The following MELK variants were observed in gnomAD, a reference collection of about 807,000 sequenced individuals.
MELK encodes pEg3 kinase.
Under a neutral mutation model 85.0 loss-of-function variants are expected in MELK, and 81 were observed. The observed-to-expected ratio is 0.95, with a 90% CI of 0.80 to 1.15. The LOEUF (loss-of-function observed/expected upper bound fraction) is 1.15. MELK is among the 50% of genes most tolerant of loss of function. MELK has a pLI of 0.00. For missense variants in MELK, 754 were observed against 777.5 expected (o/e 0.97, Z 0.36); for synonymous variants, 252 against 265.0 (o/e 0.95, Z 0.48).
intron 8 of MELK, among the ~76,000 whole-genome samples, chr9:36,623,792 T>C (rs12006528): frequency 0.034 from 5,251 of 152,376 alleles, 297 homozygotes; most frequent in African/African-American, 0.12. Flanking sequence ...TACTACTTTT[T>C]GAATATTCCT....
At chr9:36,629,669 A>G (rs1828323079) in intron 8 of MELK, among the ~76,000 whole-genome samples, 1 of 152,206 alleles carries the variant, frequency 6.6e-6, no homozygotes, top group African/African-American at 2.4e-5. Context: ...CAGTATAAAA[A>G]TAGACTACAG....
At chr9:36,670,781 A>G (rs1166672484) in intron 15 of MELK, among the ~76,000 whole-genome samples, 2 of 148,418 alleles carry the variant, frequency 1.3e-5, no homozygotes, top group Non-Finnish European at 2.9e-5. Flanking sequence ...AAGGGGATAA[A>G]TAGTTTTGCT....
rs1273998661 is a variant in MELK at position 36,581,736 on chromosome 9, A to G, written c.55A>G (p.Thr19Ala). Residue 19 changes from threonine to alanine, a missense_variant, in exon 2 of 18, where the codon ACA (threonine) becomes GCA (alanine). Thr to Ala is a moderately conservative substitution (Grantham distance 58). Transcript: ENST00000298048. ...TTATGAATTACATGAAACTATTGGG[A>G]CAGGTAATTGTTATTTTTTTTTGGA... ...KYYELHETIG[T>A]GGFAKVKLAC... 1 of 1,590,666 alleles carries G rather than the reference A, an allele frequency of 6.3e-7. No homozygotes were observed. The highest frequency in any genetic ancestry group is 2.2e-5 in the East Asian group (1 of 44,578).
chr9:36,645,590 G>C (rs1249268337), intron 11 of MELK, among the ~76,000 whole-genome samples: 1 of 152,026 alleles, frequency 6.6e-6, no homozygotes, highest in Admixed American at 6.6e-5. Context: ...TGAGTCCCAG[G>C]GATGAGTAGG....
In MELK at chr9:36,658,782, A is replaced by G. The variant is rs569894525; in HGVS notation, c.1176+1419A>G. On this transcript the variant is annotated intron_variant, in intron 13 of 17. Transcript: ENST00000298048. ...ATTGTTGGGATCTCTGCTCACTGCA[A>G]CCTCTGCCTCCCGGGTTCAAGCAAT... Among the ~76,000 whole-genome samples, 219 of 149,170 alleles carry G rather than the reference A, an allele frequency of 1.5e-3. 1 individual carries two copies. The highest frequency in any genetic ancestry group is 5.2e-3 in the African/African-American group (209 of 40,458).
intron 8 of MELK, among the ~76,000 whole-genome samples, chr9:36,619,303 C>CAGGTTA (rs1360892727): frequency 2.6e-5 from 4 of 152,128 alleles, no homozygotes; most frequent in Admixed American, 2.0e-4. Context: ...AGTATAATAC[C>CAGGTTA]TCTCAGCCAG....
chr9:36,639,038 A>G (rs764170339), intron 10 of MELK, among the ~76,000 whole-genome samples: 1 of 152,132 alleles, frequency 6.6e-6, no homozygotes, highest in South Asian at 2.1e-4. Context: ...TAGCTACTGG[A>G]GCAGAGTGAT....
chr9:36,618,405 CAAA>C (rs367884644), intron 8 of MELK, among the ~76,000 whole-genome samples: 25 of 68,800 alleles, frequency 3.6e-4, no homozygotes, highest in African/African-American at 1.1e-3. Flanking sequence ...AGAGGCTCCT[CAAA>C]AAAAAAAAAA....
chr9:36,637,700 C>T (rs980262583), intron 10 of MELK, among the ~76,000 whole-genome samples: 5 of 152,136 alleles, frequency 3.3e-5, no homozygotes, highest in African/African-American at 1.2e-4. Flanking sequence ...GGAATAATCA[C>T]ACCAATGTAA....
chr9:36,602,389 T>C (rs564803242), intron 7 of MELK, among the ~76,000 whole-genome samples: 37 of 148,290 alleles, frequency 2.5e-4, no homozygotes, highest in Non-Finnish European at 4.4e-4. Context: ...TACTTGGGGG[T>C]TGAGGCAGGA....
intron 10 of MELK, among the ~76,000 whole-genome samples, chr9:36,635,732 A>G (rs1381363800): frequency 6.6e-6 from 1 of 152,088 alleles, no homozygotes; most frequent in African/African-American, 2.4e-5. Flanking sequence ...AACATAAACA[A>G]CACCAAGTGT....
At chr9:36,656,464 G>A (rs919222935) in intron 12 of MELK, among the ~76,000 whole-genome samples, 2 of 152,132 alleles carry the variant, frequency 1.3e-5, no homozygotes, top group Non-Finnish European at 2.9e-5. Flanking sequence ...TGTACTGGAT[G>A]GTCAGCTCCT....
At chr9:36,654,162 A>G (rs1830987712) in intron 12 of MELK, among the ~76,000 whole-genome samples, 1 of 152,120 alleles carries the variant, frequency 6.6e-6, no homozygotes, top group East Asian at 1.9e-4. Flanking sequence ...TTAAACTTTC[A>G]GGTGCAAGTA....
rs1359179168 is a variant in MELK, at chr9:36,615,514, C to T, written c.666+7841C>T. 1.1e-4 allele frequency among the ~76,000 whole-genome samples: 15 copies of T among 139,664 alleles called. 1 individual carries two copies. The highest frequency in any genetic ancestry group is 2.2e-4 in the South Asian group (1 of 4,472). The allele number at this position is 139,664 out of a possible 152,430, so 91.6% of individuals were successfully genotyped here. On this transcript the variant is annotated intron_variant, in intron 8 of 17. Coordinates refer to ENST00000298048, the MANE Select transcript of MELK (RefSeq NM_014791.4). ...GGCTGACCCCCCCCCACCTCCCTCC[C>T]GGACGGGGTGGCTGCCGGGCGGAGA...
intron 6 of MELK, 121 bp downstream of exon 6, chr9:36,597,411 G>A: frequency 2.3e-6 from 2 of 881,404 alleles, no homozygotes; most frequent in East Asian, 2.5e-5. Context: ...TGAGAAGAAT[G>A]TTAAATTTCA....
chr9:36,586,669 A>G (rs1306546035), intron 3 of MELK, among the ~76,000 whole-genome samples: 1 of 152,220 alleles, frequency 6.6e-6, no homozygotes, highest in Non-Finnish European at 1.5e-5. Context: ...TAACACTTCA[A>G]ATACTTAAAT....
At chr9:36,593,901 C>T (rs1029828219) in intron 4 of MELK, among the ~76,000 whole-genome samples, 2 of 152,158 alleles carry the variant, frequency 1.3e-5, no homozygotes, top group East Asian at 1.9e-4. Context: ...AGGCTGGTCT[C>T]GAACTCCTGA....
At chr9:36,654,984 G>T (rs1350164504) in intron 12 of MELK, among the ~76,000 whole-genome samples, 1 of 152,114 alleles carries the variant, frequency 6.6e-6, no homozygotes, top group African/African-American at 2.4e-5. Flanking sequence ...CTGGGGTGTT[G>T]TTTATAAGAA....
intron 10 of MELK, among the ~76,000 whole-genome samples, chr9:36,635,580 C>T (rs146314104): frequency 3.1e-4 from 47 of 152,150 alleles, no homozygotes; most frequent in African/African-American, 1.1e-3. Context: ...AATTTTATCA[C>T]TGCATTTGTA....
Sources: gnomAD v4.1 joint callset for allele counts (sites outside exome capture counted in the v4.1 genomes callset) on GRCh38, gnomAD v4.1.1 for gene constraint, MANE v1.5 for transcripts, NCBI Gene and HGNC (gene_info 2026-07-23, HGNC 2026-07-21) for gene names.